DPP6: variants seen among roughly 807,000 people sequenced by gnomAD.
DPP6 encodes dipeptidyl peptidase like 6, also known as A-type potassium channel modulatory protein DPP6.
Under a neutral mutation model 122.6 loss-of-function variants are expected in DPP6, and 69 were observed. The observed-to-expected ratio is 0.56, with a 90% CI of 0.46 to 0.69. The LOEUF (loss-of-function observed/expected upper bound fraction) is 0.69, where lower values mean the gene tolerates loss of function less well. Ranked by LOEUF, DPP6 falls within the 30% of genes least tolerant of loss-of-function variation. The pLI is 0.00. For missense variants in DPP6, 928 were observed against 1,116.9 expected (o/e 0.83, Z 2.41); for synonymous variants, 418 against 433.1 (o/e 0.97, Z 0.43).
intron 1 of DPP6, among the ~76,000 whole-genome samples, chr7:154,096,905 A>G (rs968946069): frequency 6.6e-6 from 1 of 152,244 alleles, no homozygotes; most frequent in African/African-American, 2.4e-5. Flanking sequence ...TTAGAAAACC[A>G]GGTATTAGTA....
intron 1 of DPP6, among the ~76,000 whole-genome samples, chr7:154,291,190 G>T (rs1056299250): frequency 6.6e-6 from 1 of 152,078 alleles, no homozygotes; most frequent in African/African-American, 2.4e-5. Context: ...GGACCTATTG[G>T]GACCTTTTAC....
upstream of DPP6, among the ~76,000 whole-genome samples, chr7:154,050,743 A>C (rs1800257950): frequency 6.6e-6 from 1 of 151,038 alleles, no homozygotes; most frequent in South Asian, 2.1e-4. Context: ...CCATGCAGCA[A>C]GTTTCGCTTA....
chr7:154,675,079 C>T lies in DPP6; in HGVS notation c.762+5638C>T, dbSNP rs796420355. Reference sequence around the variant, plus strand: ...CACAGAAGGTCACAGAATAGTTTATCGGAGAACGTCAATAAATCCGCATTT... The same window carrying T: ...CACAGAAGGTCACAGAATAGTTTATTGGAGAACGTCAATAAATCCGCATTT... On this transcript the variant is annotated intron_variant, in intron 7 of 25. Coordinates refer to ENST00000377770, the MANE Select transcript of DPP6 (RefSeq NM_130797.4). 4.6e-5 allele frequency among the ~76,000 whole-genome samples: 7 copies of T among 152,256 alleles called. No homozygotes were observed. The South Asian group carries it at 1.0e-3, about 23-fold the overall frequency.
intron 1 of DPP6, chr7:154,305,116 G>A (rs866750884): frequency 2.0e-5 from 9 of 457,854 alleles, no homozygotes; most frequent in African/African-American, 2.1e-5. Context: ...AGCATGCGCC[G>A]TGGGCGCCGG....
the DPP6 span, among the ~76,000 whole-genome samples, chr7:153,767,408 C>T: frequency 6.6e-6 from 1 of 152,140 alleles, no homozygotes; most frequent in African/African-American, 2.4e-5. Flanking sequence ...ACTCTTGTCG[C>T]TCAGACTGGA....
upstream of DPP6, among the ~76,000 whole-genome samples, chr7:153,883,058 C>T (rs1205769463): frequency 6.6e-6 from 1 of 152,056 alleles, no homozygotes; most frequent in Non-Finnish European, 1.5e-5. Flanking sequence ...CAGAGAAGAG[C>T]CAAAACTGTT....
intron 1 of DPP6, among the ~76,000 whole-genome samples, chr7:154,256,164 C>G (rs1172771868): frequency 6.6e-6 from 1 of 152,184 alleles, no homozygotes; most frequent in African/African-American, 2.4e-5. Flanking sequence ...AGAGGAGAAA[C>G]CACTTCCTGA....
intron 1 of DPP6, among the ~76,000 whole-genome samples, chr7:153,933,164 G>A (rs1801253192): frequency 6.6e-6 from 1 of 152,180 alleles, no homozygotes; most frequent in African/African-American, 2.4e-5. Flanking sequence ...ATAGCAGTAT[G>A]AAAATGGACT....
At chr7:154,817,893 G>A (rs1799523611) in intron 16 of DPP6, among the ~76,000 whole-genome samples, 3 of 151,914 alleles carry the variant, frequency 2.0e-5, no homozygotes, top group Middle Eastern at 3.4e-3. Flanking sequence ...TGATTGATTA[G>A]TGATGTGTGT....
chr7:153,940,979 G>A (rs1467776531), intron 1 of DPP6, among the ~76,000 whole-genome samples: 1 of 152,204 alleles, frequency 6.6e-6, no homozygotes, highest in African/African-American at 2.4e-5. Context: ...AGAGGGCACA[G>A]TCTGTTTTCC....
chr7:154,528,851 G>A (rs1183685518), intron 3 of DPP6, among the ~76,000 whole-genome samples: 2 of 152,190 alleles, frequency 1.3e-5, no homozygotes, highest in East Asian at 3.9e-4. Flanking sequence ...GTGGGAGAAG[G>A]ACATTACAGG....
intron 7 of DPP6, among the ~76,000 whole-genome samples, chr7:154,687,162 T>G (rs1297303674): frequency 2.6e-5 from 4 of 152,062 alleles, no homozygotes; most frequent in Non-Finnish European, 4.4e-5. Flanking sequence ...GTACCCTGAG[T>G]GTACATACTG....
intron 1 of DPP6, among the ~76,000 whole-genome samples, chr7:153,936,156 G>A (rs1448061503): frequency 1.3e-5 from 2 of 152,214 alleles, no homozygotes; most frequent in African/African-American, 4.8e-5. Context: ...ACAGCAAAGT[G>A]CAATAGGATG....
chr7:153,841,355 T>A, the DPP6 span, among the ~76,000 whole-genome samples: 2 of 152,218 alleles, frequency 1.3e-5, no homozygotes, highest in Non-Finnish European at 2.9e-5. Context: ...ATGTGACAAA[T>A]GATCTGGATA....
At chr7:154,042,481 A>T (rs1284676156) in intron 1 of DPP6, among the ~76,000 whole-genome samples, 1 of 152,224 alleles carries the variant, frequency 6.6e-6, no homozygotes, top group Non-Finnish European at 1.5e-5. Context: ...TGGATGAAAA[A>T]TGTCAAGCTT....
intron 1 of DPP6, among the ~76,000 whole-genome samples, chr7:154,385,190 T>C (rs969015478): frequency 2.0e-5 from 3 of 152,134 alleles, no homozygotes; most frequent in African/African-American, 7.2e-5. Flanking sequence ...AGGATGGTCT[T>C]GATCTCCTGA....
At chr7:153,950,126 A>G (rs746182261) in intron 1 of DPP6, among the ~76,000 whole-genome samples, 11 of 152,224 alleles carry the variant, frequency 7.2e-5, no homozygotes, top group Non-Finnish European at 1.6e-4. Context: ...CTCAGGTGGA[A>G]CAGGTGCCTA....
chr7:154,428,179 A>C (rs1029642724), intron 1 of DPP6, among the ~76,000 whole-genome samples: 1 of 152,178 alleles, frequency 6.6e-6, no homozygotes, highest in African/African-American at 2.4e-5. Context: ...GGGAAGTATG[A>C]ATTCTTCACA....
chr7:154,093,839 G>T (rs868040647), intron 1 of DPP6: 2 of 151,620 alleles, frequency 1.3e-5, no homozygotes, highest in Non-Finnish European at 2.9e-5. Flanking sequence ...TGTGTGGCAC[G>T]TGTGGTGTGG....
Sources: gnomAD v4.1 joint callset for allele counts (sites outside exome capture counted in the v4.1 genomes callset) on GRCh38, gnomAD v4.1.1 for gene constraint, MANE v1.5 for transcripts, NCBI Gene and HGNC (gene_info 2026-07-23, HGNC 2026-07-21) for gene names.